The following KDM5A variants were observed in gnomAD, a reference collection of about 807,000 sequenced individuals.
The protein encoded by KDM5A is lysine-specific demethylase 5A.
Under a neutral mutation model 193.5 loss-of-function variants are expected in KDM5A, and 42 were observed. The observed-to-expected ratio is 0.22, with a 90% CI of 0.17 to 0.28. The LOEUF is 0.28. Ranked by LOEUF, KDM5A falls within the 10% of genes least tolerant of loss-of-function variation. The probability of loss-of-function intolerance (pLI) is 1.00; values close to 1 mark genes in which losing one functional copy is unlikely to be tolerated. For synonymous variants in KDM5A, 796 were observed against 718.1 expected, an observed-to-expected ratio of 1.11 and a Z score of -1.73; for missense variants, 1,692 against 2,055.1, an observed-to-expected ratio of 0.82 and a Z score of 3.42.
chr12:379,020 G>A (rs74238819), intron 3 of KDM5A, among the ~76,000 whole-genome samples: 10,581 of 150,370 alleles, frequency 0.07, 841 homozygotes, highest in East Asian at 0.35. Flanking sequence ...GGCATTCCAA[G>A]TAATACTTTT....
intron 27 of KDM5A, among the ~76,000 whole-genome samples, chr12:289,907 C>CTTTT (rs750918968): frequency 5.2e-4 from 52 of 99,520 alleles, no homozygotes; most frequent in East Asian, 3.1e-3. Context: ...TTCTTTCTTT[C>CTTTT]TTTTTTTTTT....
intron 10 of KDM5A, among the ~76,000 whole-genome samples, chr12:346,860 G>C (rs939690366): frequency 6.6e-6 from 1 of 152,070 alleles, no homozygotes; most frequent in Non-Finnish European, 1.5e-5. Context: ...CAGCACAAGA[G>C]AAGGATGTCT....
At chr12:290,199 G>T (rs1434458873) in intron 27 of KDM5A, among the ~76,000 whole-genome samples, 2 of 152,034 alleles carry the variant, frequency 1.3e-5, no homozygotes, top group African/African-American at 4.8e-5. Flanking sequence ...TAAACACTGA[G>T]AAAGTTTTAA....
At position 309,946 on chromosome 12, in the gene KDM5A, C is replaced by T. The variant is rs778494527; in HGVS notation, c.3235G>A (p.Asp1079Asn). 6.8e-6 allele frequency: 11 copies of T among 1,613,546 alleles called. No individual in the cohort carries two copies. Among genetic ancestry groups the T allele is most frequent in the East Asian group, 4.5e-5 (2 of 44,868 alleles). ...TLLQVLSPRT[D>N]IGVYGSGKNR... ...TTGCCACTCCCATATACACCAATGT[C>T]GGTCCGGGGGCTCAGCACCTACAAA... Residue 1079 changes from aspartate (D) to asparagine (N), a missense_variant, in exon 22 of 28, where the codon GAC becomes AAC. Around this residue, in one of 11 missense-constraint regions of KDM5A, gnomAD observed 965 missense variants for 1,061.0 expected, o/e 0.91. Coordinates refer to ENST00000399788, the MANE Select transcript of KDM5A (RefSeq NM_001042603.3).
chr12:307,001 T>A lies in KDM5A; in HGVS notation c.4019A>T (p.Asp1340Val). 6.2e-7 allele frequency: 1 copy of A among 1,614,068 alleles called. No homozygotes were observed. Among genetic ancestry groups the A allele is most frequent in the East Asian group, 2.2e-5 (1 of 44,876 alleles). The change falls in exon 24 of 28, where the codon GAT becomes GTT. Residue 1340 changes from aspartate to valine, a missense_variant. Coordinates refer to ENST00000399788, the MANE Select transcript of KDM5A (RefSeq NM_001042603.3). The surrounding 1 kb of genome is among the most constrained non-coding windows in gnomAD (Gnocchi z 4.3). ...GTCTTCATCAGAGTCTGTTTCTTCA[T>A]CATCATAGTCCATTGTTTGTCGAGG... ...SSPRQTMDYD[D>V]EETDSDEDIR... is the part of the protein sequence containing the mutation.
Position 323,634 on chromosome 12 carries a change from G to A in KDM5A, c.2116C>T (p.Leu706=). Residue 706 remains leucine (L), a synonymous_variant, in exon 15 of 28, where the codon CTG becomes TTG. Coordinates refer to ENST00000399788, the MANE Select transcript of KDM5A (RefSeq NM_001042603.3). The part of the protein sequence containing the change: ...RLVCLYHPTD[L]CPCPMQKKCL... ...TTCTTCTGCATGGGGCAGGGGCACA[G>A]ATCAGTTGGATGGTAGAGACATACA... is the stretch of plus-strand genomic sequence containing the variant. The A allele has an allele frequency of 6.2e-7, 1 of 1,614,202 alleles. No individual in the cohort carries two copies.
intron 13 of KDM5A, among the ~76,000 whole-genome samples, chr12:331,547 G>C (rs546374892): frequency 1.3e-5 from 2 of 152,044 alleles, no homozygotes; most frequent in African/African-American, 4.8e-5. Context: ...AATGGGGGAA[G>C]GGGAAAGTGA....
chr12:304,811 T>C (rs1943485504), intron 24 of KDM5A, among the ~76,000 whole-genome samples: 1 of 152,150 alleles, frequency 6.6e-6, no homozygotes, highest in African/African-American at 2.4e-5. Context: ...GCAAAGCCCA[T>C]CATGTTAAGC....
chr12:294,403 G>A (rs1263082037), intron 26 of KDM5A, among the ~76,000 whole-genome samples: 1 of 152,104 alleles, frequency 6.6e-6, no homozygotes, highest in Admixed American at 6.5e-5. Context: ...TCTTTGACAG[G>A]AACCTAAGAA....
chr12:318,453 T>C lies in KDM5A; in HGVS notation c.2550A>G (p.Leu850=), dbSNP rs539136628. Residue 850 remains leucine, a synonymous_variant, in exon 19 of 28, where the codon CTA becomes CTG. Transcript: ENST00000399788. ...GTTCATGAAACTCTTCCACATCATC[T>C]AGCAGATTCTGAAAAGGTCAAAAGA... is the stretch of plus-strand genomic sequence containing the variant. ...ISQARQVKNL[L]DDVEEFHERA... is the part of the protein sequence containing the mutation. The C allele has an allele frequency of 1.9e-6, 3 of 1,610,572 alleles. No individual in the cohort carries two copies. Among genetic ancestry groups the C allele is most frequent in the South Asian group, 1.1e-5 (1 of 91,014 alleles).
chr12:333,505 T>C lies in KDM5A; in HGVS notation c.1635A>G (p.Leu545=). The change falls in exon 12 of 28, where the codon CTA becomes CTG. Residue 545 remains leucine (L), a synonymous_variant. Coordinates refer to ENST00000399788, the MANE Select transcript of KDM5A (RefSeq NM_001042603.3). ...GACTCACAGGCACACCATGCTCCAT[T>C]AGCACGTTGGGGTTCATGATGGTAA... is the stretch of plus-strand genomic sequence containing the variant. ...QLVTIMNPNV[L]MEHGVPVYRT... The C allele has an allele frequency of 1.2e-6, 2 of 1,614,116 alleles. No individual in the cohort carries two copies. Among genetic ancestry groups the C allele is most frequent in the East Asian group, 2.2e-5 (1 of 44,886 alleles).
chr12:346,669 A>G (rs555961670), intron 10 of KDM5A, among the ~76,000 whole-genome samples: 43 of 152,322 alleles, frequency 2.8e-4, no homozygotes, highest in Non-Finnish European at 5.1e-4. Flanking sequence ...CAAAAACTAC[A>G]TGATTATCTC....
intron 3 of KDM5A, among the ~76,000 whole-genome samples, chr12:380,625 A>G (rs1316574420): frequency 1.3e-5 from 2 of 152,010 alleles, no homozygotes; most frequent in Non-Finnish European, 2.9e-5. Context: ...CAGAAGGCTG[A>G]GGCATGAGAA....
chr12:304,912 G>A (rs11062328), intron 24 of KDM5A, among the ~76,000 whole-genome samples: 10,712 of 152,246 alleles, frequency 0.07, 841 homozygotes, highest in East Asian at 0.35. Flanking sequence ...GGTGATTCCA[G>A]TATTCAAGGA....
At chr12:333,396 G>A in intron 12 of KDM5A, 91 bp downstream of exon 12, 1 of 1,419,478 alleles carries the variant, frequency 7.0e-7, no homozygotes, top group Non-Finnish European at 9.8e-7. Flanking sequence ...TCCAGCCTGG[G>A]CAACAGAGCA....
In KDM5A at chr12:388,999, A is replaced by T; in HGVS notation, c.93T>A (p.Asp31Glu). The T allele has an allele frequency of 6.2e-7, 1 of 1,611,870 alleles. No individual in the cohort carries two copies. The highest frequency in any genetic ancestry group is 1.1e-5 in the South Asian group (1 of 91,050). ...VFEPSWEEFT[D>E]PLSFIGRIRP... is the part of the protein sequence containing the mutation. ...GGATGCGGCCGATAAAGCTGAGCGG[A>T]TCTGTGAACTCCTCCCAACTCGGCT... Residue 31 changes from aspartate (D) to glutamate (E), a missense_variant, in exon 1 of 28, where the codon GAT becomes GAA. Around this residue, in one of 11 missense-constraint regions of KDM5A, gnomAD observed 84 missense variants for 68.2 expected, o/e 1.23. Coordinates refer to ENST00000399788, the MANE Select transcript of KDM5A (RefSeq NM_001042603.3).
At chr12:362,263 G>T (rs1944302072) in intron 5 of KDM5A, among the ~76,000 whole-genome samples, 1 of 151,574 alleles carries the variant, frequency 6.6e-6, no homozygotes, top group African/African-American at 2.4e-5. Flanking sequence ...GGAAACAGGG[G>T]TTTGAAAGAG....
At chr12:372,556 C>T (rs1302429504) in intron 3 of KDM5A, among the ~76,000 whole-genome samples, 1 of 152,206 alleles carries the variant, frequency 6.6e-6, no homozygotes, top group Non-Finnish European at 1.5e-5. Context: ...ACTTGACTTC[C>T]TCTTTTCCTG....
chr12:365,152 A>C (rs1944341321), intron 4 of KDM5A, among the ~76,000 whole-genome samples: 2 of 152,100 alleles, frequency 1.3e-5, no homozygotes, highest in South Asian at 2.1e-4. Context: ...TCCCAGGCTG[A>C]AGCAATCATC....
Sources: gnomAD v4.1 joint callset for allele counts (sites outside exome capture counted in the v4.1 genomes callset) on GRCh38, gnomAD v4.1.1 for gene constraint, gnomAD v4.1.1 regional missense constraint, Gnocchi (gnomAD v3.1) non-coding constraint, MANE v1.5 for transcripts, NCBI Gene and HGNC (gene_info 2026-07-23, HGNC 2026-07-21) for gene names.